The following ATG5 variants were observed in gnomAD, a reference collection of about 807,000 sequenced individuals.
ATG5 encodes the protein autophagy protein 5.
Under a neutral mutation model 36.5 loss-of-function variants are expected in ATG5, and 14 were observed. The ratio of observed to expected loss-of-function variants is 0.38; its 90% CI spans 0.25 to 0.60. ATG5 has a LOEUF of 0.60. ATG5 is among the 20% of genes least tolerant of loss of function. ATG5 has a pLI of 0.60. For missense variants in ATG5, 195 were observed against 326.7 expected (o/e 0.60, Z 3.11); for synonymous variants, 95 against 101.5 (o/e 0.94, Z 0.38).
rs1396242634 is a variant in ATG5, at chr6:106,267,709, C to T, written c.478+11952G>A. ...CACAAATCTACAACCATCTGATCTTCGACAAACCAGACAAAAACAAGCAAT... is the reference window on the plus strand; with the variant it reads ...CACAAATCTACAACCATCTGATCTTTGACAAACCAGACAAAAACAAGCAAT... On this transcript the variant is annotated intron_variant, in intron 5 of 7. Coordinates refer to ENST00000369076, the MANE Select transcript of ATG5 (RefSeq NM_004849.4). Among the ~76,000 whole-genome samples, 3 of 152,110 alleles carry T rather than the reference C, an allele frequency of 2.0e-5. No homozygotes were observed. In the East Asian group the frequency reaches 5.8e-4, roughly 29 times the overall value.
At chr6:106,200,839 AGT>A (rs1328802019) in intron 7 of ATG5, among the ~76,000 whole-genome samples, 2 of 152,160 alleles carry the variant, frequency 1.3e-5, no homozygotes, top group Admixed American at 6.6e-5. Flanking sequence ...CCTATAGTTT[AGT>A]AAGCATTAAT....
At chr6:106,304,306 T>C (rs1407022600) in intron 3 of ATG5, 1 of 151,998 alleles carries the variant, frequency 6.6e-6, no homozygotes, top group Admixed American at 6.6e-5. Flanking sequence ...AAATAAAAAA[T>C]AAAGGAACAT....
At chr6:106,302,017 T>C (rs1441993844) in intron 3 of ATG5, among the ~76,000 whole-genome samples, 1 of 152,014 alleles carries the variant, frequency 6.6e-6, no homozygotes, top group Non-Finnish European at 1.5e-5. Context: ...ACCATTATGT[T>C]ACAATACACA....
intron 5 of ATG5, among the ~76,000 whole-genome samples, chr6:106,256,389 T>C (rs922327202): frequency 1.3e-5 from 2 of 152,182 alleles, no homozygotes; most frequent in Non-Finnish European, 2.9e-5. Flanking sequence ...AATACTAATG[T>C]GCAGGACCCA....
chr6:106,255,717 T>C (rs997833363), intron 5 of ATG5, among the ~76,000 whole-genome samples: 1 of 152,220 alleles, frequency 6.6e-6, no homozygotes, highest in African/African-American at 2.4e-5. Context: ...CAAATTATTC[T>C]GTTGTTCTAT....
At chr6:106,314,639 C>T (rs1215478478) in intron 2 of ATG5, among the ~76,000 whole-genome samples, 2 of 151,988 alleles carry the variant, frequency 1.3e-5, no homozygotes, top group Non-Finnish European at 2.9e-5. Context: ...GCCAAATATA[C>T]TCTTATACTC....
intron 5 of ATG5, among the ~76,000 whole-genome samples, chr6:106,265,156 G>A (rs1220915462): frequency 5.4e-5 from 6 of 111,594 alleles, no homozygotes; most frequent in East Asian, 2.9e-4. Context: ...TATTTACCAA[G>A]CAAATGGAAA....
chr6:106,316,353 T>G, intron 1 of ATG5, 87 bp from the exon 2 acceptor site: 1 of 479,944 alleles, frequency 2.1e-6, no homozygotes, highest in Non-Finnish European at 3.5e-6. Flanking sequence ...AAAAAATCCA[T>G]GCCATAAAGA....
chr6:106,248,655 G>A (rs905987894), intron 5 of ATG5, among the ~76,000 whole-genome samples: 2 of 152,174 alleles, frequency 1.3e-5, no homozygotes. Flanking sequence ...AAATAAAGTC[G>A]CAGGGTGCAG....
intron 7 of ATG5, among the ~76,000 whole-genome samples, chr6:106,188,106 A>G (rs535204238): frequency 6.6e-6 from 1 of 152,300 alleles, no homozygotes; most frequent in South Asian, 2.1e-4. Flanking sequence ...ATTTGTTTTC[A>G]TAATGAAATA....
chr6:106,256,341 T>A (rs1778798258), intron 5 of ATG5, among the ~76,000 whole-genome samples: 1 of 152,332 alleles, frequency 6.6e-6, no homozygotes, highest in East Asian at 1.9e-4. Context: ...TAACTTTTGC[T>A]TCTCACCAGG....
chr6:106,284,970 T>C (rs1049462094), intron 4 of ATG5, among the ~76,000 whole-genome samples: 1 of 152,224 alleles, frequency 6.6e-6, no homozygotes, highest in Non-Finnish European at 1.5e-5. Flanking sequence ...TTGATTATTA[T>C]AGCTTTGACA....
intron 4 of ATG5, among the ~76,000 whole-genome samples, chr6:106,289,398 T>C (rs933096123): frequency 6.1e-5 from 9 of 148,702 alleles, no homozygotes; most frequent in Non-Finnish European, 1.3e-4. Flanking sequence ...ACTTAGTATA[T>C]ACAGAAAAAA....
At chr6:106,194,936 A>C (rs1279400400) in intron 7 of ATG5, among the ~76,000 whole-genome samples, 1 of 152,212 alleles carries the variant, frequency 6.6e-6, no homozygotes, top group Non-Finnish European at 1.5e-5. Flanking sequence ...TATTTCACTC[A>C]GGTCTGGCAC....
rs370123858 is a variant in ATG5, at chr6:106,212,238, T to C, written c.574-10149A>G. Among the ~76,000 whole-genome samples, 13 of 152,374 alleles carry C rather than the reference T, an allele frequency of 8.5e-5. 1 individual carries two copies. In the East Asian group the frequency reaches 2.3e-3, roughly 27 times the overall value. ...AATTTCTAAGTAGCATTAATTGAAC[T>C]GAAAAGGCATTTTAGAAAAACTAGA... On this transcript the variant is annotated intron_variant, in intron 6 of 7. Transcript: ENST00000369076.
chr6:106,211,366 GAC>G (rs1419232942), intron 6 of ATG5, among the ~76,000 whole-genome samples: 1 of 152,168 alleles, frequency 6.6e-6, no homozygotes, highest in Admixed American at 6.5e-5. Flanking sequence ...GTCTCCTACG[GAC>G]ACAGCAGGCA....
In ATG5 at chr6:106,279,781, C is replaced by T; in HGVS notation, c.358G>A (p.Ala120Thr). 1.2e-6 allele frequency: 2 copies of T among 1,605,928 alleles called. No individual in the cohort carries two copies. Among genetic ancestry groups the T allele is most frequent in the Non-Finnish European group, 1.7e-6 (2 of 1,175,744 alleles). The stretch of plus-strand genomic sequence containing the variant: ...CATGACATAAAATGAGCTTCAATTG[C>T]ATCCTTAGATGGACAGTGCAGAAGG... ...KDLLHCPSKD[A>T]IEAHFMSCMK... is the part of the protein sequence containing the mutation. The change falls in exon 5 of 8, where the codon GCA becomes ACA. Residue 120 changes from alanine to threonine, a missense_variant. Coordinates refer to ENST00000369076, the MANE Select transcript of ATG5 (RefSeq NM_004849.4).
chr6:106,312,820 C>T (rs1770704163), intron 2 of ATG5, among the ~76,000 whole-genome samples: 1 of 152,056 alleles, frequency 6.6e-6, no homozygotes, highest in Admixed American at 6.5e-5. Flanking sequence ...TAAAAAAATA[C>T]CATTAGTGAC....
At chr6:106,199,900 C>T (rs138566294) in intron 7 of ATG5, among the ~76,000 whole-genome samples, 7 of 152,208 alleles carry the variant, frequency 4.6e-5, no homozygotes, top group South Asian at 2.1e-4. Flanking sequence ...CATCAGAAAC[C>T]TTACTATAAA....
Sources: allele counts gnomAD v4.1 joint callset (sites outside exome capture counted in the v4.1 genomes callset), GRCh38; gene constraint gnomAD v4.1.1; transcripts MANE v1.5; gene names NCBI Gene and HGNC (gene_info 2026-07-23, HGNC 2026-07-21).